PHC2: variants seen among roughly 807,000 people sequenced by gnomAD.
The protein encoded by PHC2 is polyhomeotic-like protein 2.
In PHC2, 29 loss-of-function variants were observed where a neutral mutation model predicts 87.4. The observed-to-expected ratio is 0.33, with a 90% CI of 0.25 to 0.45. The LOEUF (loss-of-function observed/expected upper bound fraction) is 0.45. PHC2 is among the 20% of genes least tolerant of loss of function. The probability of loss-of-function intolerance (pLI) is 1.00; values close to 1 mark genes in which losing one functional copy is unlikely to be tolerated. For synonymous variants in PHC2, 438 were observed against 461.7 expected (o/e 0.95, Z 0.66); for missense variants, 857 against 1,136.7 (o/e 0.75, Z 3.54).
In PHC2 at chr1:33,369,737, C is replaced by T. The variant is rs142061161; in HGVS notation, c.576+684G>A. On this transcript the variant is annotated intron_variant, in intron 5 of 14. Coordinates refer to ENST00000683057, the MANE Select transcript of PHC2 (RefSeq NM_001385109.1). The surrounding 1 kb of genome is among the most constrained non-coding windows in gnomAD (Gnocchi z 4.7). ...ACTTCAGAATGGGAGGTATGAGACA[C>T]GACCCACAGTGACTGAGCCCTAGCT... Among the ~76,000 whole-genome samples, 182 of 152,290 alleles carry T rather than the reference C, an allele frequency of 1.2e-3. No individual in the cohort carries two copies. Among genetic ancestry groups the T allele is most frequent in the African/African-American group, 4.2e-3 (175 of 41,558 alleles).
chr1:33,375,302 C>A (rs2148334935), intron 2 of PHC2, 64 bp downstream of exon 2: 1 of 1,342,872 alleles, frequency 7.4e-7, no homozygotes, highest in African/African-American at 1.5e-5. Context: ...CATGCCAACA[C>A]CTCCTCCTTG....
At chr1:33,356,720 T>C (rs1016927820) in intron 7 of PHC2, among the ~76,000 whole-genome samples, 1 of 152,218 alleles carries the variant, frequency 6.6e-6, no homozygotes, top group African/African-American at 2.4e-5. Flanking sequence ...ACAATCTGAT[T>C]TTTCTTTCTT....
In PHC2 at chr1:33,324,800, T is replaced by C. The variant is rs1186634863; in HGVS notation, c.*65A>G. 6.6e-6 allele frequency: 10 copies of C among 1,514,226 alleles called. No homozygotes were observed. The Admixed American group carries it at 1.8e-4, about 27-fold the overall frequency. 93.8% of individuals were successfully genotyped at this position (1,514,226 alleles called of 1,614,324 possible). A position where few individuals can be genotyped will look rare whatever the true frequency, so the allele number is the denominator to read the frequency against. On this transcript the variant is annotated 3_prime_UTR_variant, in exon 15 of 15. Transcript: ENST00000683057. ...GCCCCATTTCTGGGCCCCTCAGGAA[T>C]GTCTGTCTGGCTCTGCTCAGTCGGG...
At chr1:33,391,488 A>G (rs1649050291) in intron 1 of PHC2, among the ~76,000 whole-genome samples, 1 of 152,102 alleles carries the variant, frequency 6.6e-6, no homozygotes, top group Non-Finnish European at 1.5e-5. Flanking sequence ...CACCCACTGG[A>G]GACAGCAAAT....
At chr1:33,404,971 T>C (rs4653125) in intron 1 of PHC2, among the ~76,000 whole-genome samples, 108,995 of 152,018 alleles carry the variant, frequency 0.72, 39,849 homozygotes, top group African/African-American at 0.86. Context: ...GCACAGTAGA[T>C]GAGAGAGAAA....
chr1:33,327,008 G>A (rs988448010), intron 14 of PHC2, among the ~76,000 whole-genome samples: 1 of 152,156 alleles, frequency 6.6e-6, no homozygotes, highest in African/African-American at 2.4e-5. Context: ...AGCAGGCTGA[G>A]AAAACGACTA....
intron 3 of PHC2, 118 bp from the exon 4 acceptor site, chr1:33,371,212 C>G (rs2148326566): frequency 1.3e-6 from 1 of 787,324 alleles, no homozygotes; most frequent in East Asian, 2.5e-5. Context: ...CTCTGGAGGT[C>G]AGCCCCCAAC....
At chr1:33,430,760 C>T (rs1650881805) in intron 1 of PHC2, among the ~76,000 whole-genome samples, 1 of 150,490 alleles carries the variant, frequency 6.6e-6, no homozygotes, top group South Asian at 2.1e-4. Context: ...CAGCGCGGGC[C>T]CCACGCCGCG....
At chr1:33,345,440 G>A (rs1485708664) in intron 9 of PHC2, 1 of 543,384 alleles carries the variant, frequency 1.8e-6, no homozygotes, top group East Asian at 1.5e-4. Context: ...ATATCATTTG[G>A]AAATTGGAAG....
intron 3 of PHC2, among the ~76,000 whole-genome samples, chr1:33,371,959 T>C (rs1381959251): frequency 6.6e-6 from 1 of 152,234 alleles, no homozygotes; most frequent in African/African-American, 2.4e-5. Context: ...GCAGACAAGC[T>C]AAACAGGCAG....
chr1:33,399,057 C>T (rs142549944), intron 1 of PHC2, among the ~76,000 whole-genome samples: 3 of 152,246 alleles, frequency 2.0e-5, no homozygotes, highest in African/African-American at 7.2e-5. Flanking sequence ...AAAAATTCTA[C>T]TACAGATGTA....
intron 10 of PHC2, chr1:33,333,397 T>C (rs78648188): frequency 6.6e-6 from 1 of 152,474 alleles, no homozygotes; most frequent in Non-Finnish European, 1.5e-5. Flanking sequence ...GAACAGAGGC[T>C]GGTGTGCCGC....
intron 1 of PHC2, among the ~76,000 whole-genome samples, chr1:33,405,470 C>A (rs1189977405): frequency 6.6e-6 from 1 of 152,126 alleles, no homozygotes; most frequent in Non-Finnish European, 1.5e-5. Flanking sequence ...GGATTACAGG[C>A]GTGAACCACT....
In PHC2 at chr1:33,332,331, G is replaced by A. The variant is rs755767833; in HGVS notation, c.1835C>T (p.Pro612Leu). The change falls in exon 11 of 15, where the codon CCA becomes CTA. Residue 612 changes from proline to leucine, a missense_variant. Pro to Leu is a moderately conservative substitution (Grantham distance 98). Transcript: ENST00000683057. The surrounding 1 kb of genome is among the most constrained non-coding windows in gnomAD (Gnocchi z 4.2). ...AGTGGTGGTGGTGTGATCCTGCTGT[G>A]GAAGTTTCTCAGGCAGGAACCCCTG... ...YAQGFLPEKL[P>L]QQDHTTTTDS... 6.2e-7 allele frequency: 1 copy of A among 1,613,970 alleles called. No individual in the cohort carries two copies. The highest frequency in any genetic ancestry group is 1.3e-5 in the African/African-American group (1 of 74,894).
At chr1:33,427,723 A>G (rs1650739641) in intron 1 of PHC2, among the ~76,000 whole-genome samples, 1 of 152,128 alleles carries the variant, frequency 6.6e-6, no homozygotes, top group African/African-American at 2.4e-5. Flanking sequence ...TCTTCTCTTG[A>G]CTTCTGTGAT....
chr1:33,375,634 TTACTAGAGAATGTTCACA>T, intron 1 of PHC2, 41 bp from the exon 2 acceptor site: 1 of 1,265,880 alleles, frequency 7.9e-7, no homozygotes. Context: ...TGACAGACGC[TTACTAGAGAATGTTCACA>T]AAGTCAGCCT....
Position 33,381,808 on chromosome 1 carries a change from A to AAT in PHC2, c.-54-6217_-54-6216dup, listed in dbSNP as rs1353655603. On this transcript the variant is annotated intron_variant, in intron 1 of 14. Coordinates refer to ENST00000683057, the MANE Select transcript of PHC2 (RefSeq NM_001385109.1). ...TTTATACTTACAAAATATTCTATGTAATATATATATAAAGGATAATATGCT... is the reference window on the plus strand; with the variant it reads ...TTTATACTTACAAAATATTCTATGTAATATATATATATAAAGGATAATATGCT... Among the ~76,000 whole-genome samples, 4 of 151,958 alleles carry AAT rather than the reference A, an allele frequency of 2.6e-5. No individual in the cohort carries two copies. In the South Asian group the frequency reaches 8.3e-4, roughly 32 times the overall value.
intron 9 of PHC2, among the ~76,000 whole-genome samples, chr1:33,344,948 G>A (rs987817485): frequency 2.0e-5 from 3 of 151,790 alleles, no homozygotes; most frequent in African/African-American, 7.3e-5. Flanking sequence ...AATTTAAAGT[G>A]TCATTTGCTT....
In PHC2 at chr1:33,368,094, C is replaced by T. The variant is rs1267554084; in HGVS notation, c.663+442G>A. Among the ~76,000 whole-genome samples, 1 of 152,194 alleles carries T rather than the reference C, an allele frequency of 6.6e-6. No individual in the cohort carries two copies. The highest frequency in any genetic ancestry group is 1.5e-5 in the Non-Finnish European group (1 of 68,038). On this transcript the variant is annotated intron_variant, in intron 6 of 14. Transcript: ENST00000683057. This position sits in a 1 kb window ranked among gnomAD's most constrained non-coding sequence, Gnocchi z 6.6. ...GCTGCCCACAGAATCTTCCCAGCCA[C>T]GGTAGTATCTGTGCGCTCCTAGCAG...
Sources: allele counts gnomAD v4.1 joint callset (sites outside exome capture counted in the v4.1 genomes callset), GRCh38; gene constraint gnomAD v4.1.1; non-coding constraint Gnocchi (gnomAD v3.1); transcripts MANE v1.5; gene names NCBI Gene and HGNC (gene_info 2026-07-23, HGNC 2026-07-21).